Variants in SYTL2 observed in about 807,000 individuals in gnomAD.
The protein encoded by SYTL2 is synaptotagmin like 2, also known as synaptotagmin-like protein 2.
In SYTL2, 165 loss-of-function variants were observed where a neutral mutation model predicts 198.7. The ratio of observed to expected loss-of-function variants is 0.83; its 90% CI spans 0.73 to 0.94. The LOEUF (loss-of-function observed/expected upper bound fraction) is 0.94. SYTL2 is among the 40% of genes least tolerant of loss of function. The pLI, the probability that SYTL2 is intolerant of heterozygous loss-of-function variation, is 0.00. For synonymous variants in SYTL2, 966 were observed against 917.7 expected (o/e 1.05, Z -0.95); for missense variants, 2,835 against 2,582.8 (o/e 1.10, Z -2.12).
intron 8 of SYTL2, among the ~76,000 whole-genome samples, chr11:85,723,224 T>C (rs1486460823): frequency 2.6e-5 from 4 of 152,182 alleles, no homozygotes; most frequent in African/African-American, 9.7e-5. Flanking sequence ...CCCACGTTCA[T>C]GTAGATGAAT....
At chr11:85,720,615 G>T (rs1371679945) in intron 9 of SYTL2, among the ~76,000 whole-genome samples, 1 of 152,162 alleles carries the variant, frequency 6.6e-6, no homozygotes, top group Admixed American at 6.5e-5. Flanking sequence ...CTCAAACTGG[G>T]ATTCTTCAAT....
rs781777839 is a variant in SYTL2, at chr11:85,757,898, G to C, written c.-173C>G. ...AAAAGTTTAGGGCAGCTGATAGCAA[G>C]ATCCTAAGTGCTCTTTCCCATGAGG... On this transcript the variant is annotated 5_prime_UTR_variant, in exon 2 of 20. In the 5' UTR this introduces an upstream ATG that the reference lacks. Coordinates refer to ENST00000359152, the MANE Select transcript of SYTL2 (RefSeq NM_206927.4). 6.5e-6 allele frequency: 5 copies of C among 772,642 alleles called. No homozygotes were observed. Among genetic ancestry groups the C allele is most frequent in the Admixed American group, 2.6e-5 (1 of 38,266 alleles). 47.9% of individuals were successfully genotyped at this position (772,642 alleles called of 1,614,324 possible).
rs200796604 is a variant in SYTL2, at chr11:85,709,330, C to T, written c.5915+1G>A. The T allele has an allele frequency of 5.6e-6, 9 of 1,613,898 alleles. No individual in the cohort carries two copies. Among genetic ancestry groups the T allele is most frequent in the Non-Finnish European group, 4.2e-6 (5 of 1,179,880 alleles). On this transcript the variant is annotated splice_donor_variant, in intron 14 of 19. Transcript: ENST00000359152. LOFTEE classifies it high-confidence loss of function. ...GGTAGGTGACTCTAAAATGTACTTA[C>T]GGGTCTGAACGCTGTTTTTTTACAT...
chr11:85,775,193 G>C (rs148503743), intron 1 of SYTL2, among the ~76,000 whole-genome samples: 2 of 152,144 alleles, frequency 1.3e-5, no homozygotes, highest in African/African-American at 4.8e-5. Context: ...TAGGAAAATA[G>C]GGTATAAAAC....
chr11:85,828,404 G>A, the SYTL2 span, among the ~76,000 whole-genome samples: 1 of 152,180 alleles, frequency 6.6e-6, no homozygotes, highest in Non-Finnish European at 1.5e-5. Flanking sequence ...TACAAGCTTT[G>A]TAGAATGATT....
At chr11:85,761,746 C>T (rs985663933) in intron 1 of SYTL2, among the ~76,000 whole-genome samples, 1 of 152,202 alleles carries the variant, frequency 6.6e-6, no homozygotes, top group African/African-American at 2.4e-5. Context: ...GCAACTTCCA[C>T]CTCCTGGGTT....
intron 7 of SYTL2, among the ~76,000 whole-genome samples, chr11:85,731,100 T>C (rs997792730): frequency 1.3e-5 from 2 of 152,202 alleles, no homozygotes; most frequent in African/African-American, 2.4e-5. Flanking sequence ...CACAAACAAA[T>C]GGAAAAACAT....
intron 12 of SYTL2, among the ~76,000 whole-genome samples, chr11:85,713,916 A>G (rs989985078): frequency 5.3e-5 from 8 of 152,130 alleles, no homozygotes; most frequent in Non-Finnish European, 1.0e-4. Flanking sequence ...CTCACCTGTA[A>G]TGTGTGGGGA....
the SYTL2 span, among the ~76,000 whole-genome samples, chr11:85,852,270 C>G: frequency 2.0e-5 from 3 of 152,186 alleles, no homozygotes; most frequent in Non-Finnish European, 4.4e-5. Flanking sequence ...TTCTGTCTTC[C>G]TGGGACAAAA....
upstream of SYTL2, among the ~76,000 whole-genome samples, chr11:85,812,259 AG>A (rs1566051738): frequency 6.6e-6 from 1 of 152,200 alleles, no homozygotes; most frequent in Non-Finnish European, 1.5e-5. Flanking sequence ...CATTTAACTG[AG>A]GGTGGCCCAG....
chr11:85,727,264 G>A lies in SYTL2; in HGVS notation c.2094C>T (p.Pro698=). The A allele has an allele frequency of 6.5e-7, 1 of 1,535,064 alleles. No individual in the cohort carries two copies. Among genetic ancestry groups the A allele is most frequent in the Non-Finnish European group, 8.7e-7 (1 of 1,146,668 alleles). Residue 698 remains proline (P), a synonymous_variant, in exon 8 of 20, where the codon CCC becomes CCT. Transcript: ENST00000359152. ...TATTTTCTTCATGAGCATGAAACTT[G>A]GGTTCTTCTTCACCCAAGTTGCCAA... ...NNIGNLGEEE[P]KFHAHEENRG...
At chr11:85,718,227 A>G (rs186555217) in intron 10 of SYTL2, 1 of 164,554 alleles carries the variant, frequency 6.1e-6, no homozygotes, top group African/African-American at 2.4e-5. Flanking sequence ...AACAGAGCCA[A>G]GTAATACCTG....
the SYTL2 span, among the ~76,000 whole-genome samples, chr11:85,842,733 G>A: frequency 1.3e-5 from 2 of 152,200 alleles, no homozygotes; most frequent in Non-Finnish European, 2.9e-5. Flanking sequence ...TCTTTCCTAA[G>A]AGATCTGTGG....
Position 85,725,097 on chromosome 11 carries a change from C to T in SYTL2, c.4261G>A (p.Ala1421Thr), listed in dbSNP as rs1461559304. The change falls in exon 8 of 20, where the codon GCT becomes ACT. Residue 1421 changes from alanine (A) to threonine (T), a missense_variant. By Grantham distance (58) the Ala-to-Thr change is moderately conservative. Around this residue, in one of 3 missense-constraint regions of SYTL2, gnomAD observed 2,645 missense variants for 2,381.7 expected, o/e 1.11. Coordinates refer to ENST00000359152, the MANE Select transcript of SYTL2 (RefSeq NM_206927.4). ...LNPPGVISPWATMDTIVPDRK... is the reference protein window; with the variant it reads ...LNPPGVISPWTTMDTIVPDRK... ...TCTGGAACTATGGTGTCCATCGTAG[C>T]CCATGGTGATATCACTCCTGGAGGA... 1 of 1,613,978 alleles carries T rather than the reference C, an allele frequency of 6.2e-7. No homozygotes were observed. The highest frequency in any genetic ancestry group is 8.5e-7 in the Non-Finnish European group (1 of 1,179,984).
intron 1 of SYTL2, among the ~76,000 whole-genome samples, chr11:85,780,924 T>C (rs1269080935): frequency 3.3e-5 from 5 of 152,188 alleles, no homozygotes; most frequent in Admixed American, 6.5e-5. Context: ...AATGTCAGAA[T>C]TGAATTGAAT....
chr11:85,832,981 G>A, the SYTL2 span, among the ~76,000 whole-genome samples: 5 of 140,788 alleles, frequency 3.6e-5, no homozygotes, highest in African/African-American at 1.3e-4. Context: ...GGCCAACACA[G>A]GGAGACCCTG....
chr11:85,769,770 G>A (rs1329467032), intron 1 of SYTL2, among the ~76,000 whole-genome samples: 1 of 152,144 alleles, frequency 6.6e-6, no homozygotes, highest in Non-Finnish European at 1.5e-5. Flanking sequence ...TTACATACAG[G>A]GAAGAGAGTC....
In SYTL2 at chr11:85,700,520, A is replaced by T; in HGVS notation, c.6263T>A (p.Val2088Asp). The T allele has an allele frequency of 1.9e-6, 3 of 1,612,022 alleles. No homozygotes were observed. The highest frequency in any genetic ancestry group is 2.5e-6 in the Non-Finnish European group (3 of 1,178,112). ...KLALQYVPEP[V>D]PGKKLPTTGE... ...AATAGAAAGTCATTACATACCAGGGACTGGCTCTGGGACATACTGGAGAGC... is the reference window on the plus strand; with the variant it reads ...AATAGAAAGTCATTACATACCAGGGTCTGGCTCTGGGACATACTGGAGAGC... The change falls in exon 17 of 20, where the codon GTC becomes GAC. Residue 2088 changes from valine (V) to aspartate (D), a missense_variant. Coordinates refer to ENST00000359152, the MANE Select transcript of SYTL2 (RefSeq NM_206927.4).
intron 4 of SYTL2, among the ~76,000 whole-genome samples, chr11:85,744,906 GC>G (rs1289803418): frequency 6.6e-6 from 1 of 152,110 alleles, no homozygotes; most frequent in Non-Finnish European, 1.5e-5. Flanking sequence ...AGCAATGTAG[GC>G]CCACAATTGG....
Sources: gnomAD v4.1 joint callset for allele counts (sites outside exome capture counted in the v4.1 genomes callset) on GRCh38, gnomAD v4.1.1 for gene constraint, gnomAD v4.1.1 regional missense constraint, MANE v1.5 for transcripts, NCBI Gene and HGNC (gene_info 2026-07-23, HGNC 2026-07-21) for gene names.